The following FLT3LG variants were observed in gnomAD, a reference collection of about 807,000 sequenced individuals.
FLT3LG encodes fms-related tyrosine kinase 3 ligand.
Under a neutral mutation model 30.9 loss-of-function variants are expected in FLT3LG, and 8 were observed. The observed-to-expected ratio is 0.26, with a 90% confidence interval of 0.15 to 0.47. The LOEUF (loss-of-function observed/expected upper bound fraction) is 0.47. FLT3LG is among the 20% of genes least tolerant of loss of function. The pLI, the probability that FLT3LG is intolerant of heterozygous loss-of-function variation, is 0.99. For missense variants in FLT3LG, 278 were observed against 306.2 expected (o/e 0.91, Z 0.69); for synonymous variants, 123 against 135.9 (o/e 0.91, Z 0.66).
At chr19:49,478,670 G>A (rs1225676319) in intron 5 of FLT3LG, among the ~76,000 whole-genome samples, 2 of 151,782 alleles carry the variant, frequency 1.3e-5, no homozygotes, top group African/African-American at 4.8e-5. Flanking sequence ...CCACTGAGGA[G>A]GCTGAGGCAG....
chr19:49,477,917 G>A (rs1269013938), intron 5 of FLT3LG, among the ~76,000 whole-genome samples: 2 of 150,264 alleles, frequency 1.3e-5, no homozygotes, highest in African/African-American at 4.9e-5. Flanking sequence ...ATGGTGGCGC[G>A]CGCCTGTAGT....
chr19:49,480,218 A>G (rs1234871919), intron 6 of FLT3LG, 80 bp from the exon 7 acceptor site: 15 of 1,049,644 alleles, frequency 1.4e-5, no homozygotes, highest in Non-Finnish European at 2.1e-5. Flanking sequence ...AAGGTCACAC[A>G]GCCAGTGGCA....
At chr19:49,483,307 C>T (rs939725506) in intron 8 of FLT3LG, among the ~76,000 whole-genome samples, 9 of 150,276 alleles carry the variant, frequency 6.0e-5, no homozygotes, top group Non-Finnish European at 3.0e-5. Flanking sequence ...TAGTAGAGAC[C>T]GGGTTTCACC....
At chr19:49,475,038 A>T (rs2079334242) in intron 2 of FLT3LG, among the ~76,000 whole-genome samples, 2 of 83,282 alleles carry the variant, frequency 2.4e-5, no homozygotes, top group East Asian at 4.3e-4. Flanking sequence ...TGGACAGAGA[A>T]GGGGGAGATG....
intron 8 of FLT3LG, chr19:49,481,027 G>T: frequency 7.9e-6 from 1 of 126,608 alleles, no homozygotes; most frequent in Non-Finnish European, 1.6e-5. Context: ...GCTAGACTCC[G>T]TCTCAAAAAA....
intron 8 of FLT3LG, among the ~76,000 whole-genome samples, chr19:49,485,571 A>T (rs1284262359): frequency 6.6e-6 from 1 of 151,998 alleles, no homozygotes; most frequent in Non-Finnish European, 1.5e-5. Context: ...TTTAGTAGAA[A>T]CGGTTTCTCC....
rs754968604 is a variant in FLT3LG at position 49,475,731 on chromosome 19, G to A, written c.74G>A (p.Ser25Asn). Residue 25 changes from serine (S) to asparagine (N), a missense_variant, in exon 3 of 9, where the codon AGT (serine) becomes AAT (asparagine). This residue lies in a region of FLT3LG where 40 missense variants were observed against 34.3 expected (regional missense o/e 1.17). Transcript: ENST00000597551. ...LLLLLLSSGL[S>N]GTQDCSFQHS... is the part of the protein sequence containing the mutation. ...CTGCTGCTGCTGAGCTCGGGACTCA[G>A]TGGGACCCAGGACTGCTCCTTCCAA... 5 of 1,611,356 alleles carry A rather than the reference G, an allele frequency of 3.1e-6. No homozygotes were observed. In the East Asian group the frequency reaches 1.1e-4, roughly 36 times the overall value.
chr19:49,474,326 A>T, intron 1 of FLT3LG, 45 bp downstream of exon 1: 1 of 530,960 alleles, frequency 1.9e-6, no homozygotes, highest in African/African-American at 1.9e-5. Flanking sequence ...GGGCGGAGCC[A>T]GGGTCCCCAC....
chr19:49,478,086 G>A (rs1007845068), intron 5 of FLT3LG, among the ~76,000 whole-genome samples: 18 of 151,798 alleles, frequency 1.2e-4, no homozygotes, highest in Non-Finnish European at 2.1e-4. Flanking sequence ...AGGCCGAGGC[G>A]GGCGAGTCAC....
chr19:49,484,288 A>ATTTTTTTTTTTTTTTTT (rs745909519), intron 8 of FLT3LG, among the ~76,000 whole-genome samples: 18 of 98,346 alleles, frequency 1.8e-4, no homozygotes, highest in South Asian at 3.0e-4. Context: ...TTTTATTATA[A>ATTTTTTTTTTTTTTTTT]TTTTTTTTTT....
chr19:49,475,737 C>T lies in FLT3LG; in HGVS notation c.80C>T (p.Thr27Ile). 1 of 1,611,678 alleles carries T rather than the reference C, an allele frequency of 6.2e-7. No homozygotes were observed. The highest frequency in any genetic ancestry group is 8.5e-7 in the Non-Finnish European group (1 of 1,179,896). ...CTGCTGAGCTCGGGACTCAGTGGGA[C>T]CCAGGACTGCTCCTTCCAACACAGC... Reference protein sequence around the residue: ...LLLLSSGLSGTQDCSFQHSPI... With the variant: ...LLLLSSGLSGIQDCSFQHSPI... The change falls in exon 3 of 9, where the codon ACC becomes ATC. Residue 27 changes from threonine to isoleucine, a missense_variant. By Grantham distance (89) the Thr-to-Ile change is moderately conservative (BLOSUM62 -1). Transcript: ENST00000597551.
rs2122495184 is a variant in FLT3LG, at chr19:49,476,722, A to G, written c.342+156A>G. 6.3e-6 allele frequency: 6 copies of G among 953,636 alleles called. No individual in the cohort carries two copies. In the South Asian group the frequency reaches 7.9e-5, roughly 12 times the overall value. 59.1% of individuals were successfully genotyped at this position (953,636 alleles called of 1,614,324 possible). ...CCCTGCAGAGCCCTGTTCCTACAGA[A>G]CAACACGTCCCCAGGCACCGGTGAT... On this transcript the variant is annotated intron_variant, in intron 5 of 8. Coordinates refer to ENST00000597551, the MANE Select transcript of FLT3LG (RefSeq NM_001459.4). The surrounding 1 kb of genome is among the most constrained non-coding windows in gnomAD (Gnocchi z 5.3).
rs747691139 is a variant in FLT3LG, at chr19:49,476,392, C to T, written c.199-31C>T. 2.5e-6 allele frequency: 4 copies of T among 1,598,630 alleles called. No homozygotes were observed. The Admixed American group carries it at 5.2e-5, about 21-fold the overall frequency. ...GACCCAGCAGCCCCGTGCCCAGCTC[C>T]TCCCTCAGACCCGTGGGTTCTCCCC... On this transcript the variant is annotated intron_variant, in intron 4 of 8. Coordinates refer to ENST00000597551, the MANE Select transcript of FLT3LG (RefSeq NM_001459.4). This position sits in a 1 kb window ranked among gnomAD's most constrained non-coding sequence, Gnocchi z 5.3.
Position 49,476,766 on chromosome 19 carries a change from A to T in FLT3LG, c.342+200A>T. 1 of 646,296 alleles carries T rather than the reference A, an allele frequency of 1.5e-6. No individual in the cohort carries two copies. The highest frequency in any genetic ancestry group is 2.5e-6 in the Non-Finnish European group (1 of 396,718). 40.0% of individuals were successfully genotyped at this position (646,296 alleles called of 1,614,324 possible). A position where few individuals can be genotyped will look rare whatever the true frequency, so the allele number is the denominator to read the frequency against. On this transcript the variant is annotated intron_variant, in intron 5 of 8. Coordinates refer to ENST00000597551, the MANE Select transcript of FLT3LG (RefSeq NM_001459.4). This position sits in a 1 kb window ranked among gnomAD's most constrained non-coding sequence, Gnocchi z 5.3. ...CGGTGATGGGGAGCAGTCTGGTCCC[A>T]TTCTGGGGCCCCGGTTTCCTAGGCC...
In FLT3LG at chr19:49,475,742, G is replaced by A. The variant is rs2079370712; in HGVS notation, c.85G>A (p.Asp29Asn). The A allele has an allele frequency of 1.2e-6, 2 of 1,612,052 alleles. No individual in the cohort carries two copies. Among genetic ancestry groups the A allele is most frequent in the Non-Finnish European group, 1.7e-6 (2 of 1,179,908 alleles). ...LLSSGLSGTQ[D>N]CSFQHSPISS... ...GAGCTCGGGACTCAGTGGGACCCAGGACTGCTCCTTCCAACACAGCCCCAT... is the reference window on the plus strand; with the variant it reads ...GAGCTCGGGACTCAGTGGGACCCAGAACTGCTCCTTCCAACACAGCCCCAT... Residue 29 changes from aspartate to asparagine, a missense_variant, in exon 3 of 9, where the codon GAC becomes AAC. Asp to Asn is a conservative substitution (Grantham distance 23, BLOSUM62 1). Transcript: ENST00000597551.
intron 8 of FLT3LG, among the ~76,000 whole-genome samples, chr19:49,484,803 A>G (rs2079746980): frequency 6.6e-6 from 1 of 152,170 alleles, no homozygotes; most frequent in African/African-American, 2.4e-5. Context: ...CTAATACCTG[A>G]TATTAATTTT....
intron 8 of FLT3LG, among the ~76,000 whole-genome samples, chr19:49,483,853 G>A (rs961313372): frequency 1.4e-5 from 2 of 142,960 alleles, no homozygotes; most frequent in African/African-American, 5.4e-5. Flanking sequence ...GGCAATAGAG[G>A]GAGACTCTGT....
At chr19:49,483,883 A>AG (rs1202323747) in intron 8 of FLT3LG, among the ~76,000 whole-genome samples, 2 of 150,822 alleles carry the variant, frequency 1.3e-5, no homozygotes, top group African/African-American at 4.9e-5. Context: ...AAAAAAAAAA[A>AG]AAAAAAAAAG....
At position 49,479,194 on chromosome 19, in the gene FLT3LG, A is replaced by ATTT. The variant is rs5828400; in HGVS notation, c.481+163_481+165dup. The ATTT allele has an allele frequency of 7.8e-3, 3,703 of 473,830 alleles. 6 individuals carry two copies. Among genetic ancestry groups the ATTT allele is most frequent in the African/African-American group, 0.016 (689 of 42,788 alleles). 29.4% of individuals were successfully genotyped at this position (473,830 alleles called of 1,614,324 possible). A position where few individuals can be genotyped will look rare whatever the true frequency, so the allele number is the denominator to read the frequency against. On this transcript the variant is annotated intron_variant, in intron 6 of 8. Transcript: ENST00000597551. ...CCTCTTTCTGGAGCTCAGTTTACCA[A>ATTT]TTTTTTTTTTTTTTTTTTGAGACGG...
Sources: gnomAD v4.1 joint callset for allele counts (sites outside exome capture counted in the v4.1 genomes callset) on GRCh38, gnomAD v4.1.1 for gene constraint, gnomAD v4.1.1 regional missense constraint, Gnocchi (gnomAD v3.1) non-coding constraint, MANE v1.5 for transcripts, NCBI Gene and HGNC (gene_info 2026-07-23, HGNC 2026-07-21) for gene names.